The following BRIP1 variants were observed in gnomAD, a reference collection of about 807,000 sequenced individuals.
The protein encoded by BRIP1 is Fanconi anemia group J protein.
BRIP1 carries 88 observed loss-of-function variants against 119.7 expected under a neutral mutation model. The ratio of observed to expected loss-of-function variants is 0.74; its 90% CI spans 0.62 to 0.88. The LOEUF is 0.88. Among genes scored for constraint, BRIP1 ranks in the 40% least tolerant of loss-of-function variants. The pLI, the probability that BRIP1 is intolerant of heterozygous loss-of-function variation, is 0.00. For missense variants in BRIP1, 1,259 were observed against 1,455.4 expected (o/e 0.87, Z 2.20); for synonymous variants, 443 against 496.5 (o/e 0.89, Z 1.43).
rs730881639 is a variant in BRIP1, at chr17:61,744,415, A to G, written c.2257+17T>C. 47 of 1,611,024 alleles carry G rather than the reference A, an allele frequency of 2.9e-5. No individual in the cohort carries two copies. The highest frequency in any genetic ancestry group is 3.9e-5 in the Non-Finnish European group (46 of 1,177,638). On this transcript the variant is annotated intron_variant, in intron 15 of 19. Transcript: ENST00000259008. The surrounding 1 kb of genome is among the most constrained non-coding windows in gnomAD (Gnocchi z 5.0). ...AAAAAATATTTTTTCACCGACCATG[A>G]AATAATTTCCAGTTACCTTTCTCTC... is the stretch of plus-strand genomic sequence containing the variant.
Position 61,709,556 on chromosome 17 carries a change from A to G in BRIP1, c.2492+6395T>C, listed in dbSNP as rs539577034. ...GAGTATTGAAAGTCAATGGAAAGTC[A>G]GTGTGCCACTGTATTTTGGTTCCAG... On this transcript the variant is annotated intron_variant, in intron 17 of 19. Transcript: ENST00000259008. This position sits in a 1 kb window ranked among gnomAD's most constrained non-coding sequence, Gnocchi z 5.0. 6.6e-6 allele frequency among the ~76,000 whole-genome samples: 1 copy of G among 152,356 alleles called. No individual in the cohort carries two copies. The highest frequency in any genetic ancestry group is 1.5e-5 in the Non-Finnish European group (1 of 68,028).
At position 61,680,941 on chromosome 17, in the gene BRIP1, G is replaced by C. The variant is rs1479640526; in HGVS notation, c.*2355C>G. ...ACTGGGTAATTTATAAAGGAAAGAG[G>C]TTTAATTGACTCACAGTTCTGCATG... On this transcript the variant is annotated 3_prime_UTR_variant, in exon 20 of 20. Transcript: ENST00000259008. Among the ~76,000 whole-genome samples the C allele has an allele frequency of 6.6e-6, 1 of 152,172 alleles. No homozygotes were observed. The highest frequency in any genetic ancestry group is 2.4e-5 in the African/African-American group (1 of 41,432).
rs2145867674 is a variant in BRIP1, at chr17:61,861,601, G to C, written c.-30-32C>G. 8.0e-7 allele frequency: 1 copy of C among 1,254,782 alleles called. No homozygotes were observed. The highest frequency in any genetic ancestry group is 1.2e-6 in the Non-Finnish European group (1 of 855,256). The allele number at this position is 1,254,782 out of a possible 1,614,324, so 77.7% of individuals were successfully genotyped here. A position where few individuals can be genotyped will look rare whatever the true frequency, so the allele number is the denominator to read the frequency against. ...CAGAAATGAAAATGTCAAATATTGA[G>C]ACACGCCTTACAAAGAAAACCAGAG... On this transcript the variant is annotated intron_variant, in intron 1 of 19. Coordinates refer to ENST00000259008, the MANE Select transcript of BRIP1 (RefSeq NM_032043.3). The surrounding 1 kb of genome is among the most constrained non-coding windows in gnomAD (Gnocchi z 4.5).
intron 4 of BRIP1, among the ~76,000 whole-genome samples, chr17:61,855,822 A>G (rs2078888960): frequency 6.6e-6 from 1 of 152,142 alleles, no homozygotes; most frequent in Non-Finnish European, 1.5e-5. Flanking sequence ...TCCTAACCTC[A>G]TGAAGTAGTC....
chr17:61,785,933 G>T (rs1055240116), intron 10 of BRIP1, among the ~76,000 whole-genome samples: 1 of 151,706 alleles, frequency 6.6e-6, no homozygotes, highest in Non-Finnish European at 1.5e-5. Context: ...TGGGTTGGGG[G>T]GGGTAGAAAA....
intron 7 of BRIP1, 123 bp from the exon 8 acceptor site, chr17:61,801,597 C>T: frequency 1.1e-6 from 1 of 897,518 alleles, no homozygotes; most frequent in Admixed American, 2.2e-5. Context: ...ACTGGCTACG[C>T]CACCACACCT....
Position 61,742,904 on chromosome 17 carries a change from AAAAAGCACTAT to A in BRIP1, c.2379+98_2379+108del. 7 of 1,414,844 alleles carry A rather than the reference AAAAAGCACTAT, an allele frequency of 4.9e-6. No individual in the cohort carries two copies. The highest frequency in any genetic ancestry group is 6.9e-6 in the Non-Finnish European group (7 of 1,008,046). The allele number at this position is 1,414,844 out of a possible 1,614,324, so 87.6% of individuals were successfully genotyped here. ...GGTTACCATAAACCTTCAATTTGTA[AAAAAGCACTAT>A]AAAAGCAAAGCGCAATAAAATGAGG... On this transcript the variant is annotated intron_variant, in intron 16 of 19. Transcript: ENST00000259008. This position sits in a 1 kb window ranked among gnomAD's most constrained non-coding sequence, Gnocchi z 4.7.
At chr17:61,854,702 C>CAA (rs60657866) in intron 4 of BRIP1, among the ~76,000 whole-genome samples, 26 of 82,130 alleles carry the variant, frequency 3.2e-4, no homozygotes, top group Non-Finnish European at 4.8e-4. Context: ...GACTCCGTCT[C>CAA]AAAAAAAAAA....
At chr17:61,833,340 T>C (rs2078520434) in intron 6 of BRIP1, among the ~76,000 whole-genome samples, 1 of 152,170 alleles carries the variant, frequency 6.6e-6, no homozygotes, top group African/African-American at 2.4e-5. Flanking sequence ...ATTTCCACCA[T>C]AGAGAATACT....
intron 6 of BRIP1, among the ~76,000 whole-genome samples, chr17:61,835,894 G>A (rs999733408): frequency 6.6e-6 from 1 of 151,882 alleles, no homozygotes; most frequent in African/African-American, 2.4e-5. Flanking sequence ...ATAAACAAGA[G>A]AGTTAAATGC....
rs1369549547 is a variant in BRIP1 at position 61,774,938 on chromosome 17, A to G, written c.2097+1463T>C. 6.6e-6 allele frequency among the ~76,000 whole-genome samples: 1 copy of G among 152,214 alleles called. No individual in the cohort carries two copies. Among genetic ancestry groups the G allele is most frequent in the Non-Finnish European group, 1.5e-5 (1 of 68,026 alleles). ...ATCTCCTATCTCCCTTTTTGTGACT[A>G]TGACTGGAAAATATAAAAAGGTTTT... is the stretch of plus-strand genomic sequence containing the variant. On this transcript the variant is annotated intron_variant, in intron 14 of 19. Transcript: ENST00000259008. The surrounding 1 kb of genome is among the most constrained non-coding windows in gnomAD (Gnocchi z 5.8).
intron 6 of BRIP1, among the ~76,000 whole-genome samples, chr17:61,830,317 G>T (rs1476249248): frequency 7.9e-6 from 1 of 127,110 alleles, no homozygotes; most frequent in Non-Finnish European, 1.7e-5. Flanking sequence ...AAAAAAAGCA[G>T]AAACCAACAA....
In BRIP1 at chr17:61,758,545, C is replaced by T. The variant is rs2077230960; in HGVS notation, c.2098-13954G>A. 6.6e-6 allele frequency among the ~76,000 whole-genome samples: 1 copy of T among 151,926 alleles called. No individual in the cohort carries two copies. ...GCTTCACAATCTAGTGAATAAGATC[C>T]AAAAGAAAAATATTTAAATTACAGT... On this transcript the variant is annotated intron_variant, in intron 14 of 19. Coordinates refer to ENST00000259008, the MANE Select transcript of BRIP1 (RefSeq NM_032043.3). The surrounding 1 kb of genome is among the most constrained non-coding windows in gnomAD (Gnocchi z 5.3).
At position 61,735,280 on chromosome 17, in the gene BRIP1, GTTATA is replaced by G. The variant is rs1259980907; in HGVS notation, c.2379+7728_2379+7732del. Among the ~76,000 whole-genome samples the G allele has an allele frequency of 5.9e-5, 9 of 152,000 alleles. No homozygotes were observed. The highest frequency in any genetic ancestry group is 5.9e-5 in the Non-Finnish European group (4 of 67,996). Reference sequence around the variant, plus strand: ...TTCTGGGATAGTCACTCTTAATTAGGTTATATTATATAGCAAAAATGATGGGAAGT... The same window carrying G: ...TTCTGGGATAGTCACTCTTAATTAGGTTATATAGCAAAAATGATGGGAAGT... On this transcript the variant is annotated intron_variant, in intron 16 of 19. Coordinates refer to ENST00000259008, the MANE Select transcript of BRIP1 (RefSeq NM_032043.3). The surrounding 1 kb of genome is among the most constrained non-coding windows in gnomAD (Gnocchi z 4.4).
chr17:61,750,490 A>T (rs2159449), intron 14 of BRIP1, among the ~76,000 whole-genome samples: 1 of 152,194 alleles, frequency 6.6e-6, no homozygotes, highest in African/African-American at 2.4e-5. Flanking sequence ...AAGCATAAGT[A>T]ACTAAAGAAA....
Position 61,699,345 on chromosome 17 carries a change from C to T in BRIP1, c.2493-5833G>A, listed in dbSNP as rs183101745. ...TGCTATTTGCTTTCTATATGCCTTA[C>T]GTATTTTGTTCTTCTGTCTTTCCAT... On this transcript the variant is annotated intron_variant, in intron 17 of 19. Transcript: ENST00000259008. This position sits in a 1 kb window ranked among gnomAD's most constrained non-coding sequence, Gnocchi z 4.8. 6.6e-5 allele frequency among the ~76,000 whole-genome samples: 10 copies of T among 152,234 alleles called. No homozygotes were observed. The highest frequency in any genetic ancestry group is 2.4e-4 in the African/African-American group (10 of 41,546).
chr17:61,709,243 C>T lies in BRIP1; in HGVS notation c.2492+6708G>A, dbSNP rs899417896. Among the ~76,000 whole-genome samples, 1 of 152,078 alleles carries T rather than the reference C, an allele frequency of 6.6e-6. No homozygotes were observed. The highest frequency in any genetic ancestry group is 2.4e-5 in the African/African-American group (1 of 41,416). On this transcript the variant is annotated intron_variant, in intron 17 of 19. Coordinates refer to ENST00000259008, the MANE Select transcript of BRIP1 (RefSeq NM_032043.3). This position sits in a 1 kb window ranked among gnomAD's most constrained non-coding sequence, Gnocchi z 5.0. ...TTGCCTGCTAAGTCATTCAGTCATT[C>T]GGCTGTTTTCCAGTGTTCAAAATGT...
intron 6 of BRIP1, among the ~76,000 whole-genome samples, chr17:61,821,542 T>A (rs2145541869): frequency 6.6e-6 from 1 of 150,834 alleles, no homozygotes; most frequent in South Asian, 2.1e-4. Flanking sequence ...ATTTTATTTT[T>A]TTTTACAGAC....
rs4988345 is a variant in BRIP1 at position 61,847,211 on chromosome 17, G to A, written c.517C>T (p.Arg173Cys). Residue 173 changes from arginine (R) to cysteine (C), a missense_variant, in exon 6 of 20, where the codon CGT (arginine) becomes TGT (cysteine). Arg to Cys is a radical substitution (Grantham distance 180). This residue lies in a region of BRIP1 where 501 missense variants were observed against 544.0 expected (regional missense o/e 0.92). Transcript: ENST00000259008. Reference sequence around the variant, plus strand: ...TGTACTTCTGTTCCAAAGCAATGACGTTTTCTAATCTGTAAACACAGAACC... The same window carrying A: ...TGTACTTCTGTTCCAAAGCAATGACATTTTCTAATCTGTAAACACAGAACC... ...PLETTQQIRK[R>C]HCFGTEVHNL... 7,753 of 1,613,594 alleles carry A rather than the reference G, an allele frequency of 4.8e-3. 31 individuals are homozygous for A. The highest frequency in any genetic ancestry group is 6.0e-3 in the Non-Finnish European group (7,074 of 1,179,698).
Sources: allele counts gnomAD v4.1 joint callset (sites outside exome capture counted in the v4.1 genomes callset), GRCh38; gene constraint gnomAD v4.1.1; regional missense constraint gnomAD v4.1.1; non-coding constraint Gnocchi (gnomAD v3.1); transcripts MANE v1.5; gene names NCBI Gene and HGNC (gene_info 2026-07-23, HGNC 2026-07-21).